UNC45B: variants seen among roughly 807,000 people sequenced by gnomAD.
UNC45B encodes the protein unc-45 myosin chaperone B.
UNC45B carries 78 observed loss-of-function variants against 98.7 expected under a neutral mutation model. The ratio of observed to expected loss-of-function variants is 0.79; its 90% CI spans 0.66 to 0.95. The LOEUF (loss-of-function observed/expected upper bound fraction) is 0.95, where lower values mean the gene tolerates loss of function less well. Ranked by LOEUF, UNC45B falls within the 40% of genes least tolerant of loss-of-function variation. The pLI, the probability that UNC45B is intolerant of heterozygous loss-of-function variation, is 0.00. For synonymous variants in UNC45B, 462 were observed against 480.4 expected (o/e 0.96, Z 0.50); for missense variants, 1,225 against 1,184.9 (o/e 1.03, Z -0.50).
intron 13 of UNC45B, among the ~76,000 whole-genome samples, chr17:35,172,882 A>T (rs926557451): frequency 1.3e-5 from 2 of 152,146 alleles, no homozygotes; most frequent in African/African-American, 4.8e-5. Context: ...CTTTTATTTC[A>T]TTCCTCTGTG....
In UNC45B at chr17:35,148,396, C is replaced by T; in HGVS notation, c.133C>T (p.Leu45Phe). The stretch of plus-strand genomic sequence containing the variant: ...CAAGGACAAGGCCCTGCTGGCCACG[C>T]TTTATCGGAACCGGGCAGCCTGTGG... The part of the protein sequence containing the change: ...LTKDKALLAT[L>F]YRNRAACGLK... The change falls in exon 2 of 20, where the codon CTT (leucine) becomes TTT (phenylalanine). Residue 45 changes from leucine to phenylalanine, a missense_variant. By Grantham distance (22) the Leu-to-Phe change is conservative (BLOSUM62 0). Transcript: ENST00000394570. 1.9e-6 allele frequency: 3 copies of T among 1,614,002 alleles called. No homozygotes were observed. The highest frequency in any genetic ancestry group is 1.7e-4 in the Middle Eastern group (1 of 6,060).
At chr17:35,153,074 G>A in intron 5 of UNC45B, 92 bp downstream of exon 5, 1 of 1,116,296 alleles carries the variant, frequency 9.0e-7, no homozygotes, top group Non-Finnish European at 1.3e-6. Flanking sequence ...CCGGAGGCCT[G>A]TCTTTGCAGC....
At chr17:35,160,062 A>G (rs142049494) in intron 8 of UNC45B, among the ~76,000 whole-genome samples, 1 of 152,340 alleles carries the variant, frequency 6.6e-6, no homozygotes, top group African/African-American at 2.4e-5. Context: ...CCTTTCTCCA[A>G]AGATGATTTT....
Position 35,169,919 on chromosome 17 carries a change from A to G in UNC45B, c.1535A>G (p.Lys512Arg). 5 of 1,614,124 alleles carry G rather than the reference A, an allele frequency of 3.1e-6. No homozygotes were observed. Among genetic ancestry groups the G allele is most frequent in the Non-Finnish European group, 4.2e-6 (5 of 1,179,994 alleles). ...GAAGGGTCGACAGAAAAACTGGCCA[A>G]ACAGTGTCGCAAGTAAGGGGGCTGT... Reference protein sequence around the residue: ...FAEGSTEKLAKQCRKWLCNMS... With the variant: ...FAEGSTEKLARQCRKWLCNMS... Residue 512 changes from lysine to arginine, a missense_variant, in exon 11 of 20, where the codon AAA becomes AGA. By Grantham distance (26) the Lys-to-Arg change is conservative. Transcript: ENST00000394570.
At chr17:35,180,322 A>C (rs1320647014) in intron 17 of UNC45B, among the ~76,000 whole-genome samples, 2 of 150,674 alleles carry the variant, frequency 1.3e-5, no homozygotes, top group East Asian at 3.9e-4. Flanking sequence ...GAGGCTCTCC[A>C]GTTGGGTGAT....
intron 8 of UNC45B, among the ~76,000 whole-genome samples, chr17:35,161,942 G>C (rs898371176): frequency 6.6e-6 from 1 of 152,200 alleles, no homozygotes; most frequent in Admixed American, 6.5e-5. Context: ...GGGGCTTAAA[G>C]TGCTCCCAAT....
chr17:35,152,613 T>C (rs1188230085), intron 4 of UNC45B, among the ~76,000 whole-genome samples: 9 of 152,228 alleles, frequency 5.9e-5, no homozygotes, highest in Admixed American at 3.9e-4. Context: ...TGGCTGAAGA[T>C]CCTTTACGCC....
Position 35,168,249 on chromosome 17 carries a change from A to G in UNC45B, c.1340A>G (p.His447Arg), listed in dbSNP as rs1478400882. 3.8e-6 allele frequency: 6 copies of G among 1,578,302 alleles called. 1 individual carries two copies. The highest frequency in any genetic ancestry group is 3.5e-5 in the South Asian group (3 of 86,110). Residue 447 changes from histidine (H) to arginine (R), a missense_variant, in exon 10 of 20, where the codon CAT (histidine) becomes CGT (arginine). By Grantham distance (29) the His-to-Arg change is conservative. Coordinates refer to ENST00000394570, the MANE Select transcript of UNC45B (RefSeq NM_001267052.2). Reference sequence around the variant, plus strand: ...CTGGTGGCCGTGGAGGCCCTCATCCATGCCTCCACGAAGCTCAGCCGCGCC... The same window carrying G: ...CTGGTGGCCGTGGAGGCCCTCATCCGTGCCTCCACGAAGCTCAGCCGCGCC... ...DQLVAVEALI[H>R]ASTKLSRATF...
At chr17:35,185,473 A>C (rs761808894) in intron 19 of UNC45B, among the ~76,000 whole-genome samples, 11 of 151,696 alleles carry the variant, frequency 7.3e-5, no homozygotes, top group Admixed American at 3.3e-4. Context: ...ATGCCTGGCT[A>C]ATTTTTGTAT....
At position 35,155,457 on chromosome 17, in the gene UNC45B, G is replaced by A; in HGVS notation, c.801G>A (p.Leu267=). 1 of 1,614,100 alleles carries A rather than the reference G, an allele frequency of 6.2e-7. No homozygotes were observed. Among genetic ancestry groups the A allele is most frequent in the Non-Finnish European group, 8.5e-7 (1 of 1,179,970 alleles). ...AGCATCGAGGGAAGGAGGAGGCCCT[G>A]GTTCTAGGTAGGAAACATTCTTCAG... ...KREHRGKEEA[L]VLDTKKDLKQ... The change falls in exon 7 of 20, where the codon CTG becomes CTA. Residue 267 remains leucine (L), a synonymous_variant. Coordinates refer to ENST00000394570, the MANE Select transcript of UNC45B (RefSeq NM_001267052.2).
intron 10 of UNC45B, 125 bp downstream of exon 10, chr17:35,168,486 C>A (rs1457834357): frequency 2.7e-6 from 2 of 739,334 alleles, no homozygotes; most frequent in Non-Finnish European, 3.7e-6. Context: ...GCACCAGACC[C>A]AGCCACAGAC....
At chr17:35,183,668 G>A in intron 19 of UNC45B, 86 bp downstream of exon 19, 1 of 1,339,002 alleles carries the variant, frequency 7.5e-7, no homozygotes, top group East Asian at 2.7e-5. Context: ...ATCCTCTGGG[G>A]AGGCCAACTC....
chr17:35,162,273 A>G (rs889442798), intron 8 of UNC45B, among the ~76,000 whole-genome samples: 3 of 152,118 alleles, frequency 2.0e-5, no homozygotes, highest in Non-Finnish European at 2.9e-5. Flanking sequence ...GTCTTGTGGG[A>G]TTGAGCCCTT....
chr17:35,150,878 C>T (rs1162966196), intron 4 of UNC45B, among the ~76,000 whole-genome samples: 3 of 151,370 alleles, frequency 2.0e-5, no homozygotes, highest in Non-Finnish European at 2.9e-5. Flanking sequence ...TTGAAGACAT[C>T]GATGAGGGAT....
At chr17:35,181,740 G>A (rs1237117443) in intron 18 of UNC45B, among the ~76,000 whole-genome samples, 1 of 147,876 alleles carries the variant, frequency 6.8e-6, no homozygotes, top group East Asian at 2.0e-4. Context: ...ACAGTGAGCC[G>A]AGATCATGCC....
At chr17:35,151,396 G>A (rs772178684) in intron 4 of UNC45B, among the ~76,000 whole-genome samples, 1 of 152,032 alleles carries the variant, frequency 6.6e-6, no homozygotes, top group Non-Finnish European at 1.5e-5. Context: ...TCACCATGTT[G>A]GCCAGACTCT....
chr17:35,154,210 C>G (rs1382539478), intron 5 of UNC45B, among the ~76,000 whole-genome samples: 1 of 152,124 alleles, frequency 6.6e-6, no homozygotes, highest in East Asian at 1.9e-4. Flanking sequence ...ATTTCTCCAC[C>G]TTTTTTCTAG....
At chr17:35,186,148 T>C in intron 19 of UNC45B, 151 bp from the exon 20 acceptor site, 1 of 1,025,520 alleles carries the variant, frequency 9.8e-7, no homozygotes, top group Non-Finnish European at 1.4e-6. Context: ...CACATTCCTG[T>C]GACAGCAACA....
intron 8 of UNC45B, among the ~76,000 whole-genome samples, chr17:35,161,812 C>A (rs956221252): frequency 1.3e-5 from 2 of 152,078 alleles, no homozygotes; most frequent in Non-Finnish European, 2.9e-5. Flanking sequence ...TTCGGCCCCC[C>A]ACCCCTTACC....
Sources: allele counts gnomAD v4.1 joint callset (sites outside exome capture counted in the v4.1 genomes callset), GRCh38; gene constraint gnomAD v4.1.1; transcripts MANE v1.5; gene names NCBI Gene and HGNC (gene_info 2026-07-23, HGNC 2026-07-21).